The following SAE1 variants were observed in gnomAD, a reference collection of about 807,000 sequenced individuals.
SAE1 encodes the protein SUMO1 activating enzyme subunit 1.
Under a neutral mutation model 40.6 loss-of-function variants are expected in SAE1, and 11 were observed. The observed-to-expected ratio is 0.27, with a 90% confidence interval of 0.17 to 0.45. SAE1 has a LOEUF of 0.45. SAE1 is among the 20% of genes least tolerant of loss of function. SAE1 has a pLI of 1.00. For synonymous variants in SAE1, 155 were observed against 154.3 expected, an observed-to-expected ratio of 1.00 and a Z score of -0.03; for missense variants, 373 against 427.3, an observed-to-expected ratio of 0.87 and a Z score of 1.12.
At chr19:47,173,773 TTTTC>T (rs2058449818) in intron 6 of SAE1, among the ~76,000 whole-genome samples, 1 of 151,664 alleles carries the variant, frequency 6.6e-6, no homozygotes, top group Non-Finnish European at 1.5e-5. Flanking sequence ...GACTCCTTTC[TTTTC>T]TTTCTTTTCT....
At chr19:47,197,799 C>CT (rs931265945) in intron 7 of SAE1, among the ~76,000 whole-genome samples, 30 of 152,190 alleles carry the variant, frequency 2.0e-4, no homozygotes. Flanking sequence ...TGTGTTCAGG[C>CT]TTTTCTAACT....
At chr19:47,207,115 T>C (rs1190604246) in intron 8 of SAE1, among the ~76,000 whole-genome samples, 1 of 152,112 alleles carries the variant, frequency 6.6e-6, no homozygotes, top group African/African-American at 2.4e-5. Context: ...AGACCTCATC[T>C]CTACAAAAGT....
intron 1 of SAE1, among the ~76,000 whole-genome samples, chr19:47,132,297 G>A (rs1355902933): frequency 2.0e-5 from 3 of 150,630 alleles, no homozygotes; most frequent in Non-Finnish European, 3.0e-5. Flanking sequence ...GTGGCCCAGT[G>A]GAGTGCAGTG....
At chr19:47,173,002 G>A (rs79758356) in intron 6 of SAE1, among the ~76,000 whole-genome samples, 9,777 of 152,132 alleles carry the variant, frequency 0.064, 448 homozygotes, top group Non-Finnish European at 0.1. Flanking sequence ...CTGGAAGCCA[G>A]GTCTGTTTTG....
At chr19:47,134,140 T>C (rs1221544410) in intron 1 of SAE1, among the ~76,000 whole-genome samples, 1 of 151,896 alleles carries the variant, frequency 6.6e-6, no homozygotes, top group African/African-American at 2.4e-5. Flanking sequence ...GGATTACAGG[T>C]GTGAGCCACC....
At chr19:47,192,423 A>G (rs548466090) in intron 6 of SAE1, among the ~76,000 whole-genome samples, 1 of 151,844 alleles carries the variant, frequency 6.6e-6, no homozygotes, top group East Asian at 1.9e-4. Context: ...TAATTTTTGT[A>G]TTTTTAATAG....
intron 1 of SAE1, among the ~76,000 whole-genome samples, chr19:47,139,198 C>T (rs912993835): frequency 2.0e-5 from 3 of 152,022 alleles, no homozygotes; most frequent in Admixed American, 1.3e-4. Context: ...GTGATCCGAC[C>T]GCCTCGGCTA....
intron 4 of SAE1, among the ~76,000 whole-genome samples, chr19:47,153,678 A>G (rs1163373288): frequency 2.0e-5 from 3 of 152,172 alleles, no homozygotes; most frequent in Non-Finnish European, 2.9e-5. Context: ...CTGGTCTCCA[A>G]GTTTCTTGCC....
At chr19:47,139,194 C>T (rs555392863) in intron 1 of SAE1, among the ~76,000 whole-genome samples, 83 of 152,270 alleles carry the variant, frequency 5.5e-4, no homozygotes, top group African/African-American at 1.8e-3. Context: ...TCAAGTGATC[C>T]GACCGCCTCG....
chr19:47,203,773 AC>A (rs749307971), intron 8 of SAE1, 33 bp downstream of exon 8: 1 of 1,579,676 alleles, frequency 6.3e-7, no homozygotes, highest in South Asian at 1.1e-5. Flanking sequence ...AAAATTGTTA[AC>A]CATGACTTTG....
chr19:47,132,972 T>C (rs1276991837), intron 1 of SAE1, among the ~76,000 whole-genome samples: 1 of 151,824 alleles, frequency 6.6e-6, no homozygotes, highest in African/African-American at 2.4e-5. Context: ...TTTTGATAGG[T>C]TGGCCAGGGA....
chr19:47,185,880 G>C (rs2058540891), intron 6 of SAE1, among the ~76,000 whole-genome samples: 1 of 151,272 alleles, frequency 6.6e-6, no homozygotes, highest in African/African-American at 2.4e-5. Flanking sequence ...GGGATTACAG[G>C]CATGAGCCAC....
chr19:47,141,272 G>GA (rs1384642996), intron 1 of SAE1, among the ~76,000 whole-genome samples: 2 of 152,304 alleles, frequency 1.3e-5, no homozygotes, highest in East Asian at 3.9e-4. Context: ...AAAGTGCTGG[G>GA]ATTACAGGCG....
At position 47,131,414 on chromosome 19, in the gene SAE1, T is replaced by C. The variant is rs888941900; in HGVS notation, c.98+386T>C. Among the ~76,000 whole-genome samples the C allele has an allele frequency of 3.7e-4, 56 of 151,774 alleles. 1 individual carries two copies. Among genetic ancestry groups the C allele is most frequent in the African/African-American group, 1.4e-3 (56 of 41,306 alleles). On this transcript the variant is annotated intron_variant, in intron 1 of 8. Transcript: ENST00000270225. ...GGGACGCAGTTCATTCATTCGAGGG[T>C]ATGGGACCTGGTTCCGTGCTGCACA...
At position 47,178,757 on chromosome 19, in the gene SAE1, C is replaced by G. The variant is rs547717790; in HGVS notation, c.733+8834C>G. On this transcript the variant is annotated intron_variant, in intron 6 of 8. Coordinates refer to ENST00000270225, the MANE Select transcript of SAE1 (RefSeq NM_005500.3). ...CAGGTGCTGAGTTTATAGGCATGAG[C>G]CATCGTGCATAGCCTGCGTTTTTCT... Among the ~76,000 whole-genome samples, 295 of 152,332 alleles carry G rather than the reference C, an allele frequency of 1.9e-3. 1 individual carries two copies. Among genetic ancestry groups the G allele is most frequent in the Non-Finnish European group, 3.5e-3 (241 of 68,030 alleles).
At chr19:47,185,737 G>A (rs1302512781) in intron 6 of SAE1, among the ~76,000 whole-genome samples, 1 of 151,686 alleles carries the variant, frequency 6.6e-6, no homozygotes, top group African/African-American at 2.4e-5. Flanking sequence ...GAGTACCTGG[G>A]ATTACAGACG....
At chr19:47,174,563 A>ATTTTTTTTTTTT (rs71180803) in intron 6 of SAE1, among the ~76,000 whole-genome samples, 2 of 88,526 alleles carry the variant, frequency 2.3e-5, no homozygotes, top group African/African-American at 1.0e-4. Flanking sequence ...CGCCTGGCAA[A>ATTTTTTTTTTTT]TTTTTTTTTT....
At chr19:47,155,749 CTTTT>C (rs1425906351) in intron 5 of SAE1, among the ~76,000 whole-genome samples, 2 of 119,758 alleles carry the variant, frequency 1.7e-5, no homozygotes, top group African/African-American at 3.2e-5. Flanking sequence ...GCCCCATACC[CTTTT>C]TTTTTTTTTT....
At chr19:47,147,539 G>A (rs1215069344) in intron 2 of SAE1, among the ~76,000 whole-genome samples, 2 of 151,452 alleles carry the variant, frequency 1.3e-5, no homozygotes, top group African/African-American at 4.9e-5. Flanking sequence ...TGCAACCTCC[G>A]CCTCCTGGGT....
Sources: gnomAD v4.1 joint callset for allele counts (sites outside exome capture counted in the v4.1 genomes callset) on GRCh38, gnomAD v4.1.1 for gene constraint, MANE v1.5 for transcripts, NCBI Gene and HGNC (gene_info 2026-07-23, HGNC 2026-07-21) for gene names.